The following CRTAC1 variants were observed in gnomAD, a reference collection of about 807,000 sequenced individuals.
CRTAC1 encodes the protein cartilage acidic protein 1, also known as acidic secreted protein in cartilage.
Under a neutral mutation model 67.8 loss-of-function variants are expected in CRTAC1, and 37 were observed. The observed-to-expected ratio is 0.55, with a 90% CI of 0.42 to 0.72. The LOEUF is 0.72. Ranked by LOEUF, CRTAC1 falls within the 30% of genes least tolerant of loss-of-function variation. The pLI is 0.00. For synonymous variants in CRTAC1, 348 were observed against 371.0 expected (o/e 0.94, Z 0.71); for missense variants, 780 against 931.6 (o/e 0.84, Z 2.12).
intron 7 of CRTAC1, among the ~76,000 whole-genome samples, chr10:97,901,906 C>T (rs577716882): frequency 6.6e-6 from 1 of 152,310 alleles, no homozygotes; most frequent in South Asian, 2.1e-4. Context: ...CACACCTGTC[C>T]ATCCCTTCTG....
chr10:97,940,681 C>T (rs1471618584), intron 2 of CRTAC1, among the ~76,000 whole-genome samples: 1 of 152,234 alleles, frequency 6.6e-6, no homozygotes, highest in African/African-American at 2.4e-5. Context: ...CTGGCCCTGC[C>T]ACCTCCTGGT....
chr10:97,898,288 G>A (rs986831030), intron 8 of CRTAC1, among the ~76,000 whole-genome samples: 3 of 152,258 alleles, frequency 2.0e-5, no homozygotes, highest in African/African-American at 7.2e-5. Flanking sequence ...CCACCGTTCA[G>A]AGGGCTGAAG....
intron 2 of CRTAC1, among the ~76,000 whole-genome samples, chr10:97,961,592 C>G (rs184062053): frequency 1.3e-5 from 2 of 152,310 alleles, no homozygotes; most frequent in Non-Finnish European, 2.9e-5. Flanking sequence ...GAGCAAGACA[C>G]AGGATCTTGG....
At chr10:97,929,008 A>AT (rs1157525045) in intron 3 of CRTAC1, among the ~76,000 whole-genome samples, 1 of 152,000 alleles carries the variant, frequency 6.6e-6, no homozygotes, top group Non-Finnish European at 1.5e-5. Flanking sequence ...AGTGGCCACT[A>AT]TTTTAGGAGC....
rs929220548 is a variant in CRTAC1 at position 97,996,739 on chromosome 10, T to C, written c.224+14399A>G. Among the ~76,000 whole-genome samples the C allele has an allele frequency of 5.6e-4, 86 of 152,304 alleles. 1 individual carries two copies. The highest frequency in any genetic ancestry group is 2.0e-3 in the African/African-American group (85 of 41,560). On this transcript the variant is annotated intron_variant, in intron 2 of 14. Coordinates refer to ENST00000370597, the MANE Select transcript of CRTAC1 (RefSeq NM_018058.7). ...CCCAGCCATCCCATTATTGGGTATATACCCAAAGGATTATAAATCATGCTG... is the reference window on the plus strand; with the variant it reads ...CCCAGCCATCCCATTATTGGGTATACACCCAAAGGATTATAAATCATGCTG...
intron 5 of CRTAC1, among the ~76,000 whole-genome samples, chr10:97,911,507 T>G (rs894394388): frequency 6.6e-5 from 10 of 152,148 alleles, no homozygotes; most frequent in African/African-American, 2.4e-4. Context: ...GGCTGCATAG[T>G]TGGGGAGCAG....
rs539342058 is a variant in CRTAC1, at chr10:97,979,991, G to A, written c.224+31147C>T. ...CCTGGGGGCTGTCTCTTCAACAAAC[G>A]CCCGGGGCCACTCTTTTAACCAAGC... is the stretch of plus-strand genomic sequence containing the variant. On this transcript the variant is annotated intron_variant, in intron 2 of 14. Transcript: ENST00000370597. 7.9e-5 allele frequency among the ~76,000 whole-genome samples: 12 copies of A among 152,254 alleles called. No homozygotes were observed. The South Asian group carries it at 8.3e-4, about 11-fold the overall frequency.
At chr10:97,880,508 A>G in intron 13 of CRTAC1, 116 bp from the exon 14 acceptor site, 1 of 1,307,550 alleles carries the variant, frequency 7.6e-7, no homozygotes, top group Admixed American at 2.0e-5. Context: ...GCAGAGCCTC[A>G]GTTTCCCTGC....
chr10:97,879,739 G>A (rs745925030), intron 14 of CRTAC1: 34 of 1,549,986 alleles, frequency 2.2e-5, no homozygotes, highest in South Asian at 1.8e-4. Context: ...TATGAGGCCC[G>A]AGAGAGAGGC....
At chr10:97,985,160 T>G (rs2051959563) in intron 2 of CRTAC1, among the ~76,000 whole-genome samples, 1 of 152,136 alleles carries the variant, frequency 6.6e-6, no homozygotes, top group Admixed American at 6.5e-5. Flanking sequence ...AGCAATTACC[T>G]ACTAGTAAAG....
At chr10:97,970,349 A>G (rs1206122012) in intron 2 of CRTAC1, among the ~76,000 whole-genome samples, 1 of 152,140 alleles carries the variant, frequency 6.6e-6, no homozygotes, top group Non-Finnish European at 1.5e-5. Context: ...CATCCTTTTA[A>G]AGTGCAAGTC....
At chr10:97,923,159 A>G in intron 4 of CRTAC1, 105 bp downstream of exon 4, 1 of 1,366,524 alleles carries the variant, frequency 7.3e-7, no homozygotes, top group Non-Finnish European at 1.0e-6. Flanking sequence ...AATCTATCCA[A>G]GACACCGCGG....
chr10:98,015,983 A>G (rs1281784433), intron 1 of CRTAC1, among the ~76,000 whole-genome samples: 1 of 152,220 alleles, frequency 6.6e-6, no homozygotes, highest in Non-Finnish European at 1.5e-5. Context: ...GCTGAAATCA[A>G]TCCTAGGTTA....
chr10:97,910,223 AT>A (rs1436789354), intron 5 of CRTAC1, among the ~76,000 whole-genome samples: 7 of 152,262 alleles, frequency 4.6e-5, no homozygotes, highest in Admixed American at 4.6e-4. Flanking sequence ...CCAAAAAAGT[AT>A]GTGAGATAAT....
chr10:98,028,788 T>C (rs1245809824), intron 1 of CRTAC1, among the ~76,000 whole-genome samples: 2 of 152,166 alleles, frequency 1.3e-5, no homozygotes, highest in East Asian at 1.9e-4. Context: ...TATAGATTGA[T>C]AGCACCCATA....
intron 2 of CRTAC1, among the ~76,000 whole-genome samples, chr10:98,005,100 A>ATATATATATATAT: frequency 1.2e-4 from 6 of 48,884 alleles, no homozygotes; most frequent in African/African-American, 5.8e-4. Flanking sequence ...ATATATATAT[A>ATATATATATATAT]TTTTTTTTTT....
At chr10:97,985,087 TGTAGA>T (rs1320031468) in intron 2 of CRTAC1, among the ~76,000 whole-genome samples, 4 of 152,184 alleles carry the variant, frequency 2.6e-5, no homozygotes, top group African/African-American at 7.2e-5. Flanking sequence ...TTTCGGCTTG[TGTAGA>T]GTAAAGGGCA....
At chr10:97,990,888 T>A (rs917106338) in intron 2 of CRTAC1, among the ~76,000 whole-genome samples, 31 of 152,188 alleles carry the variant, frequency 2.0e-4, no homozygotes, top group African/African-American at 7.5e-4. Flanking sequence ...ACGTTGCATG[T>A]CTGTAGACAA....
chr10:97,917,437 G>T, intron 5 of CRTAC1, 63 bp downstream of exon 5: 1 of 1,335,124 alleles, frequency 7.5e-7, no homozygotes, highest in Non-Finnish European at 9.9e-7. Flanking sequence ...ACTCAGCCTT[G>T]CAGGGCCCTG....
Sources: allele counts gnomAD v4.1 joint callset (sites outside exome capture counted in the v4.1 genomes callset), GRCh38; gene constraint gnomAD v4.1.1; transcripts MANE v1.5; gene names NCBI Gene and HGNC (gene_info 2026-07-23, HGNC 2026-07-21).